CRAMP1: variants seen among roughly 807,000 people sequenced by gnomAD.
The protein encoded by CRAMP1 is protein cramped-like.
Under a neutral mutation model 115.4 loss-of-function variants are expected in CRAMP1, and 50 were observed. The ratio of observed to expected loss-of-function variants is 0.43; its 90% CI spans 0.35 to 0.55. The LOEUF (loss-of-function observed/expected upper bound fraction) is 0.55. CRAMP1 is among the 20% of genes least tolerant of loss of function. CRAMP1 has a pLI of 0.01. For synonymous variants in CRAMP1, 866 were observed against 745.4 expected (o/e 1.16, Z -2.64); for missense variants, 1,679 against 1,721.7 (o/e 0.98, Z 0.44).
chr16:1,656,131 G>C lies in CRAMP1; in HGVS notation c.1374G>C (p.Arg458=). 1 of 1,608,662 alleles carries C rather than the reference G, an allele frequency of 6.2e-7. No individual in the cohort carries two copies. The highest frequency in any genetic ancestry group is 8.5e-7 in the Non-Finnish European group (1 of 1,178,298). Residue 458 remains arginine (R), a synonymous_variant, in exon 10 of 21, where the codon CGG becomes CGC. Coordinates refer to ENST00000397412, the MANE Select transcript of CRAMP1 (RefSeq NM_020825.4). This position sits in a 1 kb window ranked among gnomAD's most constrained non-coding sequence, Gnocchi z 5.6. ...LGIQSGQGTA[R]GQVKCPRSGA... ...TCCAGAGTGGGCAGGGCACGGCCCG[G>C]GGCCAGGTGAAATGCCCGCGGAGCG...
At chr16:1,668,758 C>T (rs1216360062) in intron 18 of CRAMP1, among the ~76,000 whole-genome samples, 3 of 152,188 alleles carry the variant, frequency 2.0e-5, no homozygotes, top group African/African-American at 4.8e-5. Context: ...CTGTGGGTGC[C>T]GTGAGATGAC....
rs753456827 is a variant in CRAMP1, at chr16:1,656,607, C to T, written c.1850C>T (p.Pro617Leu). 9 of 1,572,660 alleles carry T rather than the reference C, an allele frequency of 5.7e-6. No homozygotes were observed. The highest frequency in any genetic ancestry group is 4.1e-5 in the African/African-American group (3 of 73,874). Residue 617 changes from proline (P) to leucine (L), a missense_variant, in exon 10 of 21, where the codon CCG becomes CTG. Pro to Leu is a moderately conservative substitution (Grantham distance 98, BLOSUM62 -3). Transcript: ENST00000397412. This position sits in a 1 kb window ranked among gnomAD's most constrained non-coding sequence, Gnocchi z 5.6. ...GACCTTGCTCCCACTGGCCCATCCC[C>T]GAGGCCCGGCCCCGGGCTCCTGCTG... ...AADLAPTGPS[P>L]RPGPGLLLDV... is the part of the protein sequence containing the mutation.
At chr16:1,664,256 C>G (rs2036856114) in intron 13 of CRAMP1, among the ~76,000 whole-genome samples, 1 of 152,212 alleles carries the variant, frequency 6.6e-6, no homozygotes, top group South Asian at 2.1e-4. Flanking sequence ...GTCACTCAAA[C>G]CTGCCGTAGC....
At position 1,632,354 on chromosome 16, in the gene CRAMP1, A is replaced by G. The variant is rs374865451; in HGVS notation, c.683A>G (p.Asp228Gly). ...TGGCACAAGATCACCAAGTACATCG[A>G]CTTTGATCATGGTGAGTGTGCCACG... Reference protein sequence around the residue: ...RTWHKITKYIDFDHVFSRGLK... With the variant: ...RTWHKITKYIGFDHVFSRGLK... The change falls in exon 4 of 21, where the codon GAC (aspartate) becomes GGC (glycine). Residue 228 changes from aspartate (D) to glycine (G), a missense_variant. Physicochemically the swap from Asp to Gly is moderately conservative, Grantham distance 94. This residue lies in a region of CRAMP1 where 44 missense variants were observed against 92.4 expected (regional missense o/e 0.48). Coordinates refer to ENST00000397412, the MANE Select transcript of CRAMP1 (RefSeq NM_020825.4). The G allele has an allele frequency of 1.2e-5, 19 of 1,592,020 alleles. No individual in the cohort carries two copies. The highest frequency in any genetic ancestry group is 1.5e-5 in the Non-Finnish European group (17 of 1,169,796).
At position 1,655,960 on chromosome 16, in the gene CRAMP1, C is replaced by A; in HGVS notation, c.1203C>A (p.Gly401=). The A allele has an allele frequency of 2.5e-6, 4 of 1,613,090 alleles. No homozygotes were observed. The change falls in exon 10 of 21, where the codon GGC becomes GGA. Residue 401 remains glycine (G), a synonymous_variant. Coordinates refer to ENST00000397412, the MANE Select transcript of CRAMP1 (RefSeq NM_020825.4). ...AGGTGACACTGCACTTGTTCCCAGG[C>A]GAGAACTGTACACTGACACCGCTGC... is the stretch of plus-strand genomic sequence containing the variant. ...QEKVTLHLFP[G]ENCTLTPLPG... is the part of the protein sequence containing the mutation.
At chr16:1,650,516 C>T (rs1003056822) in intron 6 of CRAMP1, among the ~76,000 whole-genome samples, 1 of 152,228 alleles carries the variant, frequency 6.6e-6, no homozygotes, top group Admixed American at 6.5e-5. Context: ...ATAAGACCCT[C>T]TTCACCACCC....
intron 8 of CRAMP1, 111 bp downstream of exon 8, chr16:1,653,267 G>T: frequency 4.7e-6 from 6 of 1,289,944 alleles, no homozygotes; most frequent in Non-Finnish European, 6.4e-6. Flanking sequence ...CCACCCCTAT[G>T]CTCTGTCATC....
chr16:1,673,761 C>G, intron 20 of CRAMP1, 120 bp from the exon 21 acceptor site: 1 of 896,418 alleles, frequency 1.1e-6, no homozygotes, highest in East Asian at 2.4e-5. Flanking sequence ...GCTGCCATCC[C>G]TAGCTTAGCT....
chr16:1,661,166 A>T (rs1567460088), intron 11 of CRAMP1, among the ~76,000 whole-genome samples: 1 of 152,180 alleles, frequency 6.6e-6, no homozygotes, highest in Non-Finnish European at 1.5e-5. Context: ...ATATAAAAAT[A>T]AAAAAAGTAG....
In CRAMP1 at chr16:1,641,135, A is replaced by G; in HGVS notation, c.779-4A>G. On this transcript the variant is annotated splice_region_variant and splice_polypyrimidine_tract_variant and intron_variant, in intron 5 of 20. Transcript: ENST00000397412. ...TCTCATTTATTTATTTTTTCCATTT[A>G]AAGGTATGGATGACAAGAATGCAAC... 6.2e-7 allele frequency: 1 copy of G among 1,605,046 alleles called. No individual in the cohort carries two copies. Among genetic ancestry groups the G allele is most frequent in the South Asian group, 1.1e-5 (1 of 90,740 alleles).
In CRAMP1 at chr16:1,677,305, G is replaced by A. The variant is rs1174477707; in HGVS notation, c.*3260G>A. 1 of 152,242 alleles carries A rather than the reference G, an allele frequency of 6.6e-6. No individual in the cohort carries two copies. The highest frequency in any genetic ancestry group is 2.4e-5 in the African/African-American group (1 of 41,444). The allele number at this position is 152,242 out of a possible 1,614,324, so 9.4% of individuals were successfully genotyped here. The stretch of plus-strand genomic sequence containing the variant: ...TAAAAGTACAGAATTAGCCGGGCGT[G>A]GTGGCGCATGCCCATAATCCCAGCT... On this transcript the variant is annotated 3_prime_UTR_variant, in exon 21 of 21. Transcript: ENST00000397412.
chr16:1,655,321 C>G (rs910982999), intron 9 of CRAMP1, 21 bp downstream of exon 9: 4 of 1,602,428 alleles, frequency 2.5e-6, no homozygotes, highest in South Asian at 1.1e-5. Context: ...CCAGCTAAAG[C>G]AAACCATCCA....
intron 2 of CRAMP1, chr16:1,625,647 T>G: frequency 4.8e-6 from 1 of 209,390 alleles, no homozygotes; most frequent in South Asian, 1.6e-4. Context: ...AGGCTTCATT[T>G]TGCAGAGGGA....
chr16:1,664,825 C>T (rs1488223573), intron 13 of CRAMP1, among the ~76,000 whole-genome samples: 2 of 151,846 alleles, frequency 1.3e-5, no homozygotes, highest in African/African-American at 4.8e-5. Context: ...CTCCAGTTTC[C>T]CTGGGGAGGG....
chr16:1,665,644 C>G, intron 14 of CRAMP1: 1 of 224,692 alleles, frequency 4.5e-6, no homozygotes, highest in South Asian at 7.7e-5. Context: ...AGACCCTTAA[C>G]AGCTGTCAAT....
chr16:1,667,340 C>G lies in CRAMP1; in HGVS notation c.3042C>G (p.Ser1014=). 6.2e-7 allele frequency: 1 copy of G among 1,613,038 alleles called. No individual in the cohort carries two copies. The highest frequency in any genetic ancestry group is 8.5e-7 in the Non-Finnish European group (1 of 1,179,700). Reference sequence around the variant, plus strand: ...TGGGCGTGCTCTTCCTGCAGGGCTCCGACCCATTTGTCAGCATCCCTTCGA... The same window carrying G: ...TGGGCGTGCTCTTCCTGCAGGGCTCGGACCCATTTGTCAGCATCCCTTCGA... ...DGDTLPTVGG[S]DPFVSIPSRP... is the part of the protein sequence containing the mutation. Residue 1014 remains serine (S), a synonymous_variant, in exon 17 of 21, where the codon TCC becomes TCG. Transcript: ENST00000397412.
In CRAMP1 at chr16:1,656,025, C is replaced by G. The variant is rs779282014; in HGVS notation, c.1268C>G (p.Thr423Arg). 6 of 1,612,654 alleles carry G rather than the reference C, an allele frequency of 3.7e-6. No homozygotes were observed. Among genetic ancestry groups the G allele is most frequent in the Admixed American group, 1.7e-5 (1 of 60,006 alleles). The change falls in exon 10 of 21, where the codon ACA (threonine) becomes AGA (arginine). Residue 423 changes from threonine to arginine, a missense_variant. By Grantham distance (71) the Thr-to-Arg change is moderately conservative (BLOSUM62 -1). This residue lies in a region of CRAMP1 where 191 missense variants were observed against 236.2 expected (regional missense o/e 0.81). Transcript: ENST00000397412. The surrounding 1 kb of genome is among the most constrained non-coding windows in gnomAD (Gnocchi z 5.6). ...GTGGTGCACTCCAAGGCCTTCTGCACAGTGCACTGGCAGGAGGGCGGCCGG... is the reference window on the plus strand; with the variant it reads ...GTGGTGCACTCCAAGGCCTTCTGCAGAGTGCACTGGCAGGAGGGCGGCCGG... Reference protein sequence around the residue: ...ARVVHSKAFCTVHWQEGGRCK... With the variant: ...ARVVHSKAFCRVHWQEGGRCK...
intron 6 of CRAMP1, among the ~76,000 whole-genome samples, chr16:1,644,898 C>T (rs1036894779): frequency 7.3e-5 from 11 of 151,094 alleles, no homozygotes; most frequent in African/African-American, 2.0e-4. Context: ...GGCGGGGTTT[C>T]GCCATGTTGC....
At position 1,614,141 on chromosome 16, in the gene CRAMP1, G is replaced by A. The variant is rs1470232175; in HGVS notation, c.-1-498G>A. Reference sequence around the variant, plus strand: ...GGGCGGGGAGGGGGTGGGACGAGGGGCTAGGGCTGGGGCTGCGGCCCGGCC... The same window carrying A: ...GGGCGGGGAGGGGGTGGGACGAGGGACTAGGGCTGGGGCTGCGGCCCGGCC... On this transcript the variant is annotated intron_variant, in intron 1 of 20. Coordinates refer to ENST00000397412, the MANE Select transcript of CRAMP1 (RefSeq NM_020825.4). This position sits in a 1 kb window ranked among gnomAD's most constrained non-coding sequence, Gnocchi z 4.4. 1.4e-5 allele frequency among the ~76,000 whole-genome samples: 2 copies of A among 147,222 alleles called. No homozygotes were observed. Among genetic ancestry groups the A allele is most frequent in the Non-Finnish European group, 3.0e-5 (2 of 66,192 alleles).
Sources: gnomAD v4.1 joint callset for allele counts (sites outside exome capture counted in the v4.1 genomes callset) on GRCh38, gnomAD v4.1.1 for gene constraint, gnomAD v4.1.1 regional missense constraint, Gnocchi (gnomAD v3.1) non-coding constraint, MANE v1.5 for transcripts, NCBI Gene and HGNC (gene_info 2026-07-23, HGNC 2026-07-21) for gene names.